CAMSAP1: variants seen among roughly 807,000 people sequenced by gnomAD.
CAMSAP1 encodes the protein calmodulin regulated spectrin associated protein 1.
In CAMSAP1, 58 loss-of-function variants were observed where a neutral mutation model predicts 143.5. The observed-to-expected ratio is 0.40, with a 90% CI of 0.33 to 0.50. The LOEUF (loss-of-function observed/expected upper bound fraction) is 0.50. Among genes scored for constraint, CAMSAP1 ranks in the 20% least tolerant of loss-of-function variants. The pLI, the probability that CAMSAP1 is intolerant of heterozygous loss-of-function variation, is 0.45. For synonymous variants in CAMSAP1, 945 were observed against 859.3 expected (o/e 1.10, Z -1.74); for missense variants, 1,969 against 2,115.7 (o/e 0.93, Z 1.36).
chr9:135,839,569 G>A lies in CAMSAP1; in HGVS notation c.1045+10568C>T, dbSNP rs545680373. ...GGACTGTAGAGCCACAGAGAATCAC[G>A]CGACATTAACAACAGCCCCTGATGT... On this transcript the variant is annotated intron_variant, in intron 7 of 16. Transcript: ENST00000389532. 6.6e-5 allele frequency among the ~76,000 whole-genome samples: 10 copies of A among 152,232 alleles called. No homozygotes were observed. In the East Asian group the frequency reaches 1.5e-3, roughly 24 times the overall value.
intron 5 of CAMSAP1, among the ~76,000 whole-genome samples, chr9:135,852,530 G>A (rs976889350): frequency 1.6e-4 from 24 of 152,164 alleles, no homozygotes; most frequent in South Asian, 2.1e-4. Context: ...GAGGTTTTAC[G>A]GCACTTTCCC....
intron 4 of CAMSAP1, among the ~76,000 whole-genome samples, chr9:135,863,164 A>G (rs575438132): frequency 6.6e-5 from 10 of 152,328 alleles, no homozygotes; most frequent in Middle Eastern, 3.4e-3. Context: ...TATTAACGGC[A>G]ATGAAGCATC....
At chr9:135,817,699 T>G (rs1238403311) in intron 14 of CAMSAP1, 1 of 368,846 alleles carries the variant, frequency 2.7e-6, no homozygotes, top group African/African-American at 2.1e-5. Flanking sequence ...ACGCTTGGAC[T>G]CCAACGGACT....
intron 7 of CAMSAP1, among the ~76,000 whole-genome samples, chr9:135,849,252 G>A (rs962259798): frequency 1.3e-5 from 2 of 152,222 alleles, no homozygotes; most frequent in Non-Finnish European, 1.5e-5. Context: ...ATAAAGTGCT[G>A]AGTATCTCGT....
intron 3 of CAMSAP1, among the ~76,000 whole-genome samples, chr9:135,880,605 T>G (rs61694406): frequency 0.042 from 6,352 of 152,252 alleles, 446 homozygotes; most frequent in African/African-American, 0.14. Context: ...AGACCCGCCT[T>G]TCACAGCGAC....
chr9:135,859,890 C>T (rs936062270), intron 5 of CAMSAP1, among the ~76,000 whole-genome samples: 15 of 151,772 alleles, frequency 9.9e-5, no homozygotes, highest in Admixed American at 3.3e-4. Flanking sequence ...GTCAAATTTA[C>T]GAACTAGAAG....
intron 7 of CAMSAP1, chr9:135,836,558 TAC>T (rs1357779270): frequency 1.0e-6 from 1 of 981,650 alleles, no homozygotes; most frequent in East Asian, 1.2e-4. Context: ...TACCCCGTTC[TAC>T]AGACACACAT....
At chr9:135,817,674 T>A in intron 14 of CAMSAP1, 1 of 284,658 alleles carries the variant, frequency 3.5e-6, no homozygotes, top group Non-Finnish European at 6.7e-6. Context: ...CCTGGAATCA[T>A]GGGTGTGAGC....
intron 5 of CAMSAP1, among the ~76,000 whole-genome samples, chr9:135,858,154 C>CT (rs34496524): frequency 2.6e-3 from 374 of 141,468 alleles, no homozygotes; most frequent in African/African-American, 3.8e-3. Context: ...TCCACTTTGC[C>CT]TTTTTTTTTT....
chr9:135,852,982 G>T (rs1437605301), intron 5 of CAMSAP1, among the ~76,000 whole-genome samples: 2 of 152,178 alleles, frequency 1.3e-5, no homozygotes, highest in African/African-American at 4.8e-5. Flanking sequence ...GAGACCAGCA[G>T]GTGAGAGTCT....
intron 1 of CAMSAP1, among the ~76,000 whole-genome samples, chr9:135,896,991 T>C (rs1464619462): frequency 6.6e-6 from 1 of 152,184 alleles, no homozygotes; most frequent in Non-Finnish European, 1.5e-5. Context: ...CACCTTAATC[T>C]TGGACTTCTT....
chr9:135,907,437 CGCGGGGGCGGGA>C lies in CAMSAP1; in HGVS notation c.-290_-279del, dbSNP rs1027208646. On this transcript the variant is annotated 5_prime_UTR_variant, in exon 1 of 17. Coordinates refer to ENST00000389532, the MANE Select transcript of CAMSAP1 (RefSeq NM_015447.4). ...GGCGCGGGCCGGGGGCGGGGGCGGG[CGCGGGGGCGGGA>C]GCGGGCCGGGGGCGGTGGCAGCGCG... 4.2e-5 allele frequency among the ~76,000 whole-genome samples: 6 copies of C among 142,500 alleles called. No individual in the cohort carries two copies. Among genetic ancestry groups the C allele is most frequent in the Admixed American group, 1.4e-4 (2 of 14,436 alleles). The allele number at this position is 142,500 out of a possible 152,430, so 93.5% of individuals were successfully genotyped here. A position where few individuals can be genotyped will look rare whatever the true frequency, so the allele number is the denominator to read the frequency against.
At chr9:135,863,572 T>A (rs1837273127) in intron 4 of CAMSAP1, among the ~76,000 whole-genome samples, 1 of 152,194 alleles carries the variant, frequency 6.6e-6, no homozygotes, top group African/African-American at 2.4e-5. Context: ...GAGGAGAAAT[T>A]GTCTAAAATC....
At chr9:135,861,104 G>A (rs950925849) in intron 5 of CAMSAP1, among the ~76,000 whole-genome samples, 4 of 152,156 alleles carry the variant, frequency 2.6e-5, no homozygotes, top group Admixed American at 2.6e-4. Context: ...GGCCTCCTCA[G>A]TTCACTCCTG....
chr9:135,817,875 A>T, intron 14 of CAMSAP1, 102 bp downstream of exon 14: 2 of 846,194 alleles, frequency 2.4e-6, no homozygotes, highest in Non-Finnish European at 3.7e-6. Flanking sequence ...TATCAAAATT[A>T]AAGTTACAAA....
Position 135,850,216 on chromosome 9 carries a change from A to G in CAMSAP1, c.966T>C (p.Phe322=), listed in dbSNP as rs896206921. 1 of 1,613,308 alleles carries G rather than the reference A, an allele frequency of 6.2e-7. No individual in the cohort carries two copies. The highest frequency in any genetic ancestry group is 8.5e-7 in the Non-Finnish European group (1 of 1,179,602). ...CGAACCACCAAAAAAGCTCCGCAAT[A>G]AAAACCATAACATTCGGCTAAAAGA... is the stretch of plus-strand genomic sequence containing the variant. ...PLVLKPNVMV[F]IAELFWWFEN... is the part of the protein sequence containing the mutation. The change falls in exon 7 of 17, where the codon TTT becomes TTC. Residue 322 remains phenylalanine (F), a synonymous_variant. Transcript: ENST00000389532.
Position 135,882,159 on chromosome 9 carries a change from C to T in CAMSAP1, c.424-365G>A, listed in dbSNP as rs1837981286. On this transcript the variant is annotated intron_variant, in intron 2 of 16. Transcript: ENST00000389532. This position sits in a 1 kb window ranked among gnomAD's most constrained non-coding sequence, Gnocchi z 4.9. Reference sequence around the variant, plus strand: ...TGGTTGTGGGAAGGCAGACAGGAGACCTGCCCCAGGCCAACTGCCCACCAG... The same window carrying T: ...TGGTTGTGGGAAGGCAGACAGGAGATCTGCCCCAGGCCAACTGCCCACCAG... 6.6e-6 allele frequency among the ~76,000 whole-genome samples: 1 copy of T among 152,194 alleles called. No homozygotes were observed. Among genetic ancestry groups the T allele is most frequent in the African/African-American group, 2.4e-5 (1 of 41,444 alleles).
intron 8 of CAMSAP1, 54 bp downstream of exon 8, chr9:135,827,353 C>T (rs1355643534): frequency 2.1e-6 from 3 of 1,398,704 alleles, no homozygotes; most frequent in Non-Finnish European, 2.8e-6. Context: ...TAAACTAACA[C>T]AAAAAGGGAC....
In CAMSAP1 at chr9:135,836,373, CCT is replaced by C. The variant is rs900508077; in HGVS notation, c.1046-8791_1046-8790del. ...CCACACATCACCACATACCTTCTAC[CCT>C]GTTCTACAGACACACGTTACCACGC... On this transcript the variant is annotated intron_variant, in intron 7 of 16. Coordinates refer to ENST00000389532, the MANE Select transcript of CAMSAP1 (RefSeq NM_015447.4). 43 of 984,908 alleles carry C rather than the reference CCT, an allele frequency of 4.4e-5. No homozygotes were observed. In the African/African-American group the frequency reaches 6.8e-4, roughly 16 times the overall value. 61.0% of individuals were successfully genotyped at this position (984,908 alleles called of 1,614,324 possible).
Sources: allele counts gnomAD v4.1 joint callset (sites outside exome capture counted in the v4.1 genomes callset), GRCh38; gene constraint gnomAD v4.1.1; non-coding constraint Gnocchi (gnomAD v3.1); transcripts MANE v1.5; gene names NCBI Gene and HGNC (gene_info 2026-07-23, HGNC 2026-07-21).